USH2A: variants seen among roughly 807,000 people sequenced by gnomAD.
USH2A encodes the protein usherin, also known as Usher syndrome 2A (autosomal recessive, mild).
A neutral mutation model predicts 538.9 loss-of-function variants in USH2A; 443 were observed. The observed-to-expected ratio is 0.82, with a 90% confidence interval of 0.76 to 0.89. The LOEUF (loss-of-function observed/expected upper bound fraction) is 0.89. Ranked by LOEUF, USH2A falls within the 40% of genes least tolerant of loss-of-function variation. The pLI is 0.00. For synonymous variants in USH2A, 2,413 were observed against 2,273.5 expected (o/e 1.06, Z -1.75); for missense variants, 6,633 against 6,324.8 (o/e 1.05, Z -1.65).
intron 21 of USH2A, among the ~76,000 whole-genome samples, chr1:216,159,873 T>C (rs1159841872): frequency 6.6e-6 from 1 of 152,170 alleles, no homozygotes; most frequent in Non-Finnish European, 1.5e-5. Context: ...GATCTTCTTG[T>C]GTCAGTTTAA....
intron 30 of USH2A, among the ~76,000 whole-genome samples, chr1:216,054,897 C>T (rs1310453571): frequency 2.6e-5 from 4 of 152,256 alleles, no homozygotes; most frequent in South Asian, 4.1e-4. Flanking sequence ...CACTCATTTC[C>T]GTTGCACTTT....
intron 67 of USH2A, 118 bp from the exon 68 acceptor site, chr1:215,640,852 A>C: frequency 9.0e-7 from 1 of 1,111,518 alleles, no homozygotes; most frequent in Admixed American, 2.6e-5. Context: ...AACAAAAAAA[A>C]AAAAAAAAAA....
intron 65 of USH2A, 79 bp downstream of exon 65, chr1:215,650,512 AC>A: frequency 6.4e-7 from 1 of 1,561,210 alleles, no homozygotes; most frequent in Admixed American, 1.7e-5. Flanking sequence ...GGAGGGAAAA[AC>A]AAAAACATAA....
chr1:215,707,070 CA>C lies in USH2A; in HGVS notation c.12066+20959del, dbSNP rs1659203183. On this transcript the variant is annotated intron_variant, in intron 61 of 71. Coordinates refer to ENST00000307340, the MANE Select transcript of USH2A (RefSeq NM_206933.4). ...ATCAAAGATTGTTTTTATTTTTCCA[CA>C]ATCATTTTTATTAGACATTTGGACA... is the stretch of plus-strand genomic sequence containing the variant. Among the ~76,000 whole-genome samples, 4 of 152,132 alleles carry C rather than the reference CA, an allele frequency of 2.6e-5. No individual in the cohort carries two copies. The South Asian group carries it at 8.3e-4, about 31-fold the overall frequency.
Position 216,073,247 on chromosome 1 carries a change from A to G in USH2A, c.5626T>C (p.Leu1876=). ...ACAGCACCGCTGGACACAGATGCCA[A>G]GTTAACGACAGCACCCCGTGTAAAT... The part of the protein sequence containing the change: ...VKFTRGAVVN[L]ASVSSGAVRV... Residue 1876 remains leucine, a synonymous_variant, in exon 28 of 72, where the codon TTG becomes CTG. Transcript: ENST00000307340. 6.2e-7 allele frequency: 1 copy of G among 1,613,918 alleles called. No homozygotes were observed. The highest frequency in any genetic ancestry group is 1.7e-5 in the Admixed American group (1 of 59,922).
chr1:215,681,330 C>T (rs569648556), intron 61 of USH2A, among the ~76,000 whole-genome samples: 10 of 88,394 alleles, frequency 1.1e-4, no homozygotes, highest in South Asian at 5.4e-4. Context: ...CACACACACA[C>T]GAACACACAC....
chr1:216,418,441 G>A, intron 3 of USH2A, 73 bp downstream of exon 3: 1 of 1,550,668 alleles, frequency 6.4e-7, no homozygotes, highest in African/African-American at 1.4e-5. Context: ...GTGAGTAGAT[G>A]CCATTTAAAA....
In USH2A at chr1:215,675,495, C is replaced by T. The variant is rs1366681759; in HGVS notation, c.12416G>A (p.Gly4139Asp). The T allele has an allele frequency of 6.2e-7, 1 of 1,614,056 alleles. No homozygotes were observed. The highest frequency in any genetic ancestry group is 1.1e-5 in the South Asian group (1 of 91,072). ...AGGCTGAGGCGCCGAGTGTGCACAA[C>T]CTGCTCTGGTGCAGGCCTCCAGGGT... ...TLTLEACTRAGCAHSAPQPLW... is the reference protein window; with the variant it reads ...TLTLEACTRADCAHSAPQPLW... The change falls in exon 63 of 72, where the codon GGT becomes GAT. Residue 4139 changes from glycine (G) to aspartate (D), a missense_variant. By Grantham distance (94) the Gly-to-Asp change is moderately conservative (BLOSUM62 -1). Transcript: ENST00000307340.
In USH2A at chr1:216,073,265, G is replaced by A. The variant is rs144768593; in HGVS notation, c.5608C>T (p.Arg1870Trp). 213 of 1,613,726 alleles carry A rather than the reference G, an allele frequency of 1.3e-4. 1 individual carries two copies. The East Asian group carries it at 3.4e-3, about 26-fold the overall frequency. Residue 1870 changes from arginine to tryptophan, a missense_variant, in exon 28 of 72, where the codon CGG becomes TGG. Physicochemically the swap from Arg to Trp is moderately radical, Grantham distance 101 (BLOSUM62 -3). Coordinates refer to ENST00000307340, the MANE Select transcript of USH2A (RefSeq NM_206933.4). ...GGCMKDVKFT[R>W]GAVVNLASVS... ...GATGCCAAGTTAACGACAGCACCCC[G>A]TGTAAATTTAACATCCTTCATGCAA... is the stretch of plus-strand genomic sequence containing the variant.
intron 58 of USH2A, among the ~76,000 whole-genome samples, chr1:215,751,355 G>A (rs1195870931): frequency 6.6e-6 from 1 of 152,068 alleles, no homozygotes; most frequent in Non-Finnish European, 1.5e-5. Context: ...AAAAGCACCA[G>A]TATTTCTATA....
chr1:216,378,088 T>C lies in USH2A; in HGVS notation c.652-13003A>G, dbSNP rs563280185. Among the ~76,000 whole-genome samples the C allele has an allele frequency of 2.3e-4, 35 of 151,986 alleles. 1 individual carries two copies. Among genetic ancestry groups the C allele is most frequent in the Admixed American group, 2.1e-3 (32 of 15,266 alleles). On this transcript the variant is annotated intron_variant, in intron 3 of 71. Coordinates refer to ENST00000307340, the MANE Select transcript of USH2A (RefSeq NM_206933.4). ...GGTGAAGTCCAGGAAAAAAATTTCT[T>C]GGTGGGAGAAACATTTGCATGCCGA...
At chr1:215,993,641 T>C (rs1186909984) in intron 34 of USH2A, among the ~76,000 whole-genome samples, 1 of 152,118 alleles carries the variant, frequency 6.6e-6, no homozygotes, top group East Asian at 1.9e-4. Context: ...GCAAATACAA[T>C]TGCCTTTTAT....
intron 47 of USH2A, among the ~76,000 whole-genome samples, chr1:215,833,820 A>C (rs1186325475): frequency 6.6e-6 from 1 of 152,072 alleles, no homozygotes; most frequent in Non-Finnish European, 1.5e-5. Flanking sequence ...AATCCAAAAT[A>C]TATTTAAAAA....
intron 65 of USH2A, among the ~76,000 whole-genome samples, chr1:215,649,220 A>G (rs1018232664): frequency 1.3e-5 from 2 of 152,094 alleles, no homozygotes; most frequent in African/African-American, 2.4e-5. Context: ...CAGTCAAAAA[A>G]TCTTTTCAGA....
intron 70 of USH2A, among the ~76,000 whole-genome samples, chr1:215,632,777 A>G (rs1346853880): frequency 6.6e-6 from 1 of 152,174 alleles, no homozygotes; most frequent in South Asian, 2.1e-4. Flanking sequence ...TTCTAGGAAC[A>G]TGGGCTCCTT....
chr1:215,743,114 T>A (rs555858328), intron 59 of USH2A, 63 bp downstream of exon 59: 37 of 1,574,980 alleles, frequency 2.3e-5, no homozygotes, highest in Non-Finnish European at 3.1e-5. Context: ...TCCTTTTTAA[T>A]GAAATTTTTT....
At chr1:215,771,739 G>A (rs1661295175) in intron 55 of USH2A, among the ~76,000 whole-genome samples, 1 of 151,648 alleles carries the variant, frequency 6.6e-6, no homozygotes, top group Admixed American at 6.6e-5. Flanking sequence ...AGACTATTTG[G>A]GTTCTAATAC....
chr1:216,178,066 G>A (rs76470380), intron 20 of USH2A, among the ~76,000 whole-genome samples: 461 of 152,242 alleles, frequency 3.0e-3, no homozygotes, highest in African/African-American at 0.011. Context: ...GAAATTCACC[G>A]TAAAGCAGCT....
chr1:216,041,217 G>A (rs752046264), intron 32 of USH2A, among the ~76,000 whole-genome samples: 79 of 152,060 alleles, frequency 5.2e-4, no homozygotes, highest in Admixed American at 1.7e-3. Context: ...CCTTCGGGAG[G>A]TTCTCTAACT....
Sources: gnomAD v4.1 joint callset for allele counts (sites outside exome capture counted in the v4.1 genomes callset) on GRCh38, gnomAD v4.1.1 for gene constraint, MANE v1.5 for transcripts, NCBI Gene and HGNC (gene_info 2026-07-23, HGNC 2026-07-21) for gene names.